Variants in ELK3 observed in about 807,000 individuals in gnomAD.
ELK3 encodes the protein ETS transcription factor ELK3, also known as ETS domain-containing protein Elk-3.
ELK3 carries 10 observed loss-of-function variants against 28.9 expected under a neutral mutation model. The observed-to-expected ratio is 0.35, with a 90% CI of 0.21 to 0.59. The LOEUF (loss-of-function observed/expected upper bound fraction) is 0.59. Ranked by LOEUF, ELK3 falls within the 20% of genes least tolerant of loss-of-function variation. The pLI is 0.82. For missense variants in ELK3, 463 were observed against 517.3 expected, an observed-to-expected ratio of 0.90 and a Z score of 1.02; for synonymous variants, 272 against 243.5, an observed-to-expected ratio of 1.12 and a Z score of -1.09.
At chr12:96,222,920 G>T in intron 1 of ELK3, 1 of 154,332 alleles carries the variant, frequency 6.5e-6, no homozygotes, top group South Asian at 1.8e-4. Context: ...GGCAAAAGGG[G>T]AGCAGGCGTG....
intron 2 of ELK3, among the ~76,000 whole-genome samples, chr12:96,226,365 G>A (rs1951699545): frequency 6.6e-6 from 1 of 152,202 alleles, no homozygotes; most frequent in Non-Finnish European, 1.5e-5. Flanking sequence ...CTCCTATCCT[G>A]TTGTATCATG....
chr12:96,253,868 T>TA (rs1951926392), intron 3 of ELK3, among the ~76,000 whole-genome samples: 1 of 152,236 alleles, frequency 6.6e-6, no homozygotes, highest in Admixed American at 6.5e-5. Flanking sequence ...TACCTGGAGA[T>TA]ACAGAGGTTA....
intron 3 of ELK3, among the ~76,000 whole-genome samples, chr12:96,249,630 C>T (rs559423023): frequency 2.3e-5 from 3 of 132,244 alleles, no homozygotes; most frequent in African/African-American, 8.5e-5. Flanking sequence ...GAGAAAGGTC[C>T]GAAGCCAGGC....
In ELK3 at chr12:96,246,792, C is replaced by G. The variant is rs536251772; in HGVS notation, c.208-148C>G. 7 of 803,420 alleles carry G rather than the reference C, an allele frequency of 8.7e-6. No individual in the cohort carries two copies. In the East Asian group the frequency reaches 1.9e-4, roughly 22 times the overall value. 49.8% of individuals were successfully genotyped at this position (803,420 alleles called of 1,614,324 possible). A position where few individuals can be genotyped will look rare whatever the true frequency, so the allele number is the denominator to read the frequency against. ...AATGCACATCTAATTCTACTTCCAA[C>G]TTCATTCCTCCTTCCACTTTTCCTT... On this transcript the variant is annotated intron_variant, in intron 2 of 4. Transcript: ENST00000228741.
chr12:96,205,023 G>A (rs927952257), intron 1 of ELK3, among the ~76,000 whole-genome samples: 3 of 152,232 alleles, frequency 2.0e-5, no homozygotes, highest in Non-Finnish European at 4.4e-5. Context: ...CTGTGTCTGA[G>A]AGAATGGGAC....
Position 96,199,017 on chromosome 12 carries a change from T to C in ELK3, c.-3+4312T>C, listed in dbSNP as rs1311229811. Reference sequence around the variant, plus strand: ...TGTTTTTTGTCCTCTGTGGTTCAAGTAATGTTCTAAGAATGCTGCCCTCTT... The same window carrying C: ...TGTTTTTTGTCCTCTGTGGTTCAAGCAATGTTCTAAGAATGCTGCCCTCTT... On this transcript the variant is annotated intron_variant, in intron 1 of 4. Coordinates refer to ENST00000228741, the MANE Select transcript of ELK3 (RefSeq NM_005230.4). Among the ~76,000 whole-genome samples the C allele has an allele frequency of 2.0e-5, 3 of 152,352 alleles. No individual in the cohort carries two copies. The East Asian group carries it at 5.8e-4, about 29-fold the overall frequency.
intron 2 of ELK3, among the ~76,000 whole-genome samples, chr12:96,235,293 C>A (rs1951774130): frequency 6.6e-6 from 1 of 150,974 alleles, no homozygotes; most frequent in South Asian, 2.1e-4. Context: ...AGACTCCTCT[C>A]TCTGCCTCCT....
At chr12:96,232,296 T>C (rs1462417134) in intron 2 of ELK3, among the ~76,000 whole-genome samples, 2 of 151,980 alleles carry the variant, frequency 1.3e-5, no homozygotes, top group African/African-American at 4.8e-5. Context: ...GCTGGCTGGG[T>C]GCGGTGGCTC....
Position 96,247,393 on chromosome 12 carries a change from A to G in ELK3, c.661A>G (p.Lys221Glu), listed in dbSNP as rs544518972. 1 of 1,614,034 alleles carries G rather than the reference A, an allele frequency of 6.2e-7. No homozygotes were observed. Among genetic ancestry groups the G allele is most frequent in the South Asian group, 1.1e-5 (1 of 91,062 alleles). Residue 221 changes from lysine to glutamate, a missense_variant, in exon 3 of 5, where the codon AAG becomes GAG. By Grantham distance (56) the Lys-to-Glu change is moderately conservative (BLOSUM62 1). Transcript: ENST00000228741. This position sits in a 1 kb window ranked among gnomAD's most constrained non-coding sequence, Gnocchi z 5.5. Reference protein sequence around the residue: ...SAFLASSVSAKISSLMLPNAA... With the variant: ...SAFLASSVSAEISSLMLPNAA... ...CTTCCTGGCCTCGTCCGTCTCGGCC[A>G]AGATCTCCTCTTTAATGTTGCCAAA... is the stretch of plus-strand genomic sequence containing the variant.
intron 3 of ELK3, among the ~76,000 whole-genome samples, chr12:96,248,954 T>G (rs1465031041): frequency 6.6e-6 from 1 of 152,226 alleles, no homozygotes; most frequent in East Asian, 1.9e-4. Context: ...ATCCCACATC[T>G]GAAAATCTGA....
rs908570883 is a variant in ELK3, at chr12:96,267,181, T to C, written c.*1T>C. The C allele has an allele frequency of 6.2e-7, 1 of 1,611,540 alleles. No homozygotes were observed. The highest frequency in any genetic ancestry group is 1.7e-5 in the Admixed American group (1 of 59,638). On this transcript the variant is annotated 3_prime_UTR_variant, in exon 5 of 5. Transcript: ENST00000228741. ...TTCTTCAAACTCTCAGAAATCCTGA[T>C]GACGTCTGGCCACAATTAAGGACTC...
chr12:96,208,862 A>C (rs1015448960), intron 1 of ELK3, among the ~76,000 whole-genome samples: 2 of 152,228 alleles, frequency 1.3e-5, no homozygotes, highest in African/African-American at 4.8e-5. Context: ...GGCCAGGTGC[A>C]GCTGGGCCAG....
At position 96,247,504 on chromosome 12, in the gene ELK3, A is replaced by T; in HGVS notation, c.772A>T (p.Ser258Cys). The T allele has an allele frequency of 3.7e-6, 6 of 1,613,964 alleles. 1 individual carries two copies. The Middle Eastern group carries it at 9.9e-4, about 266-fold the overall frequency. The change falls in exon 3 of 5, where the codon AGC becomes TGC. Residue 258 changes from serine (S) to cysteine (C), a missense_variant. This residue lies in a region of ELK3 where 408 missense variants were observed against 414.8 expected (regional missense o/e 0.98). Coordinates refer to ENST00000228741, the MANE Select transcript of ELK3 (RefSeq NM_005230.4). This position sits in a 1 kb window ranked among gnomAD's most constrained non-coding sequence, Gnocchi z 5.5. Reference protein sequence around the residue: ...PNSPLPSEHRSLFLEAACHDS... With the variant: ...PNSPLPSEHRCLFLEAACHDS... ...CTCACCCCTCCCTTCTGAACACAGAAGCCTCTTCCTGGAGGCCGCCTGCCA... is the reference window on the plus strand; with the variant it reads ...CTCACCCCTCCCTTCTGAACACAGATGCCTCTTCCTGGAGGCCGCCTGCCA...
intron 2 of ELK3, among the ~76,000 whole-genome samples, chr12:96,231,002 G>C (rs7307827): frequency 0.83 from 126,804 of 152,186 alleles, 52,991 homozygotes; most frequent in East Asian, 1. Context: ...GGCCCCTGTT[G>C]ATTTGAGAAA....
chr12:96,204,712 T>A (rs1951529214), intron 1 of ELK3, among the ~76,000 whole-genome samples: 1 of 152,188 alleles, frequency 6.6e-6, no homozygotes, highest in Non-Finnish European at 1.5e-5. Flanking sequence ...GTTGTCATCA[T>A]CCTCAGAGTT....
chr12:96,206,954 C>A (rs896847042), intron 1 of ELK3, among the ~76,000 whole-genome samples: 9 of 152,152 alleles, frequency 5.9e-5, no homozygotes, highest in Admixed American at 4.6e-4. Context: ...TTATTCAGTG[C>A]ATCTTGATGG....
At chr12:96,224,035 A>C in intron 2 of ELK3, 1 of 447,828 alleles carries the variant, frequency 2.2e-6, no homozygotes, top group Non-Finnish European at 4.1e-6. Context: ...TCACAATACA[A>C]ATGAGATGCA....
rs1952065084 is a variant in ELK3 at position 96,269,073 on chromosome 12, A to C, written c.*1893A>C. On this transcript the variant is annotated 3_prime_UTR_variant, in exon 5 of 5. Transcript: ENST00000228741. ...GCTTCCCGCCACCTGTTTCCAGCTC[A>C]AGACAGGTGCACAGCAGAAGCTGGG... 6.6e-6 allele frequency: 1 copy of C among 152,256 alleles called. No homozygotes were observed. The highest frequency in any genetic ancestry group is 2.1e-4 in the South Asian group (1 of 4,838). 9.4% of individuals were successfully genotyped at this position (152,256 alleles called of 1,614,324 possible). A position where few individuals can be genotyped will look rare whatever the true frequency, so the allele number is the denominator to read the frequency against.
At chr12:96,241,939 C>T (rs1951824146) in intron 2 of ELK3, among the ~76,000 whole-genome samples, 1 of 152,202 alleles carries the variant, frequency 6.6e-6, no homozygotes. Context: ...AAAGAGGCAG[C>T]CCTTTTGCAA....
Sources: gnomAD v4.1 joint callset for allele counts (sites outside exome capture counted in the v4.1 genomes callset) on GRCh38, gnomAD v4.1.1 for gene constraint, gnomAD v4.1.1 regional missense constraint, Gnocchi (gnomAD v3.1) non-coding constraint, MANE v1.5 for transcripts, NCBI Gene and HGNC (gene_info 2026-07-23, HGNC 2026-07-21) for gene names.